The following VGLL4 variants were observed in gnomAD, a reference collection of about 807,000 sequenced individuals.
The protein encoded by VGLL4 is transcription cofactor vestigial-like protein 4.
In VGLL4, 7 loss-of-function variants were observed where a neutral mutation model predicts 21.0. That is an observed-to-expected ratio of 0.33 (90% CI 0.19 to 0.63). VGLL4 has a LOEUF of 0.63. Among genes scored for constraint, VGLL4 ranks in the 20% least tolerant of loss-of-function variants. The pLI is 0.78. For missense variants in VGLL4, 394 were observed against 425.7 expected (o/e 0.93, Z 0.66); for synonymous variants, 222 against 173.2 (o/e 1.28, Z -2.21).
chr3:11,672,136 G>T (rs1378924013), intron 2 of VGLL4, among the ~76,000 whole-genome samples: 1 of 152,158 alleles, frequency 6.6e-6, no homozygotes, highest in Non-Finnish European at 1.5e-5. Context: ...AAGAAATTTT[G>T]TACTTCCTGA....
In VGLL4 at chr3:11,557,071, G is replaced by A. The variant is rs969030947; in HGVS notation, c.*1485C>T. The A allele has an allele frequency of 6.6e-6, 1 of 152,448 alleles. No individual in the cohort carries two copies. Among genetic ancestry groups the A allele is most frequent in the African/African-American group, 2.4e-5 (1 of 41,430 alleles). 9.4% of individuals were successfully genotyped at this position (152,448 alleles called of 1,614,324 possible). A position where few individuals can be genotyped will look rare whatever the true frequency, so the allele number is the denominator to read the frequency against. ...GAGGTGACCACGCCCACGTCACCTG[G>A]TCAGGTGCCATCGTCGTGAGCCTCT... On this transcript the variant is annotated 3_prime_UTR_variant, in exon 5 of 5. Transcript: ENST00000430365.
intron 2 of VGLL4, among the ~76,000 whole-genome samples, chr3:11,599,967 TAAAG>T (rs2074751641): frequency 6.6e-6 from 1 of 152,194 alleles, no homozygotes; most frequent in African/African-American, 2.4e-5. Flanking sequence ...TGATGAAAGA[TAAAG>T]AAAGTGGGAA....
intron 2 of VGLL4, among the ~76,000 whole-genome samples, chr3:11,587,152 A>G (rs2074379967): frequency 6.6e-6 from 1 of 152,210 alleles, no homozygotes; most frequent in Non-Finnish European, 1.5e-5. Context: ...GGAGTTTGGG[A>G]GCAGATCACA....
chr3:11,585,859 A>G (rs1040201032), intron 2 of VGLL4, among the ~76,000 whole-genome samples: 1 of 152,090 alleles, frequency 6.6e-6, no homozygotes, highest in Non-Finnish European at 1.5e-5. Flanking sequence ...CACATATCCT[A>G]AATCCCTCCT....
upstream of VGLL4, among the ~76,000 whole-genome samples, chr3:11,647,676 A>C (rs1016680923): frequency 6.6e-6 from 1 of 152,060 alleles, no homozygotes; most frequent in Non-Finnish European, 1.5e-5. Context: ...CCCATACCTT[A>C]TATGTGCTTC....
chr3:11,705,949 T>C (rs2076755943), intron 1 of VGLL4, among the ~76,000 whole-genome samples: 1 of 152,036 alleles, frequency 6.6e-6, no homozygotes, highest in Admixed American at 6.6e-5. Context: ...ATCTTGTGAT[T>C]TGGGGTAGTA....
At chr3:11,676,377 A>G (rs1210720238) in intron 2 of VGLL4, among the ~76,000 whole-genome samples, 2 of 150,934 alleles carry the variant, frequency 1.3e-5, no homozygotes, top group African/African-American at 2.5e-5. Flanking sequence ...CCTGGGTGAC[A>G]GAGCGAGACT....
At chr3:11,660,190 C>A (rs1319753355) in intron 2 of VGLL4, among the ~76,000 whole-genome samples, 2 of 152,110 alleles carry the variant, frequency 1.3e-5, no homozygotes, top group African/African-American at 4.8e-5. Context: ...TCCCATCCTG[C>A]CAGCCAGCAG....
intron 1 of VGLL4, among the ~76,000 whole-genome samples, chr3:11,614,435 C>T (rs1252835330): frequency 5.9e-5 from 9 of 152,336 alleles, no homozygotes; most frequent in Non-Finnish European, 8.8e-5. Flanking sequence ...ATGGTGGTCC[C>T]GGAAACCAGT....
intron 1 of VGLL4, among the ~76,000 whole-genome samples, chr3:11,639,496 T>C (rs2447610): frequency 0.079 from 12,088 of 152,314 alleles, 644 homozygotes; most frequent in Non-Finnish European, 0.12. Flanking sequence ...TGTGCTGTAA[T>C]CCAGGGTGTT....
upstream of VGLL4, among the ~76,000 whole-genome samples, chr3:11,648,767 C>G (rs1376091561): frequency 6.6e-6 from 1 of 152,284 alleles, no homozygotes; most frequent in Non-Finnish European, 1.5e-5. Flanking sequence ...AAATGGCCAA[C>G]ACATTTTTGA....
At chr3:11,561,891 C>CA (rs751071014) in intron 3 of VGLL4, among the ~76,000 whole-genome samples, 2 of 88,608 alleles carry the variant, frequency 2.3e-5, no homozygotes, top group East Asian at 3.8e-4. Flanking sequence ...CTGCGCCAAA[C>CA]TTTTTTTTTT....
At chr3:11,592,099 G>A (rs749785192) in intron 2 of VGLL4, among the ~76,000 whole-genome samples, 1 of 152,220 alleles carries the variant, frequency 6.6e-6, no homozygotes, top group Non-Finnish European at 1.5e-5. Context: ...AGGCGTGGCA[G>A]AAAGAAAGAG....
At chr3:11,561,457 A>G (rs2072993485) in intron 3 of VGLL4, among the ~76,000 whole-genome samples, 2 of 152,118 alleles carry the variant, frequency 1.3e-5, no homozygotes, top group South Asian at 2.1e-4. Context: ...GAAGATGTTC[A>G]GTGTCTGGGC....
intron 2 of VGLL4, among the ~76,000 whole-genome samples, chr3:11,600,103 TAAC>T (rs1356670468): frequency 3.3e-5 from 5 of 152,130 alleles, no homozygotes; most frequent in Non-Finnish European, 5.9e-5. Flanking sequence ...GGAATAAAAA[TAAC>T]AACCCCCATC....
intron 3 of VGLL4, among the ~76,000 whole-genome samples, chr3:11,562,042 C>T (rs1462910770): frequency 6.6e-6 from 1 of 151,954 alleles, no homozygotes; most frequent in Admixed American, 6.6e-5. Context: ...GGATTACAGG[C>T]ACCCACCACC....
chr3:11,635,193 G>A (rs1309021209), intron 1 of VGLL4, among the ~76,000 whole-genome samples: 2 of 152,208 alleles, frequency 1.3e-5, no homozygotes, highest in African/African-American at 4.8e-5. Flanking sequence ...GTAGAGGTGA[G>A]CTGGCCTTCT....
chr3:11,558,473 T>TG lies in VGLL4; in HGVS notation c.*82dup. Reference sequence around the variant, plus strand: ...TTCCCTTCCCCCCACCCCACCCCCATGATTTTTTTTTTTTTAAGTACTGAC... The same window carrying TG: ...TTCCCTTCCCCCCACCCCACCCCCATGGATTTTTTTTTTTTTAAGTACTGAC... On this transcript the variant is annotated 3_prime_UTR_variant, in exon 5 of 5. Coordinates refer to ENST00000430365, the MANE Select transcript of VGLL4 (RefSeq NM_001128219.3). 1 of 751,604 alleles carries TG rather than the reference T, an allele frequency of 1.3e-6. No individual in the cohort carries two copies. Among genetic ancestry groups the TG allele is most frequent in the Non-Finnish European group, 1.9e-6 (1 of 523,806 alleles). 46.6% of individuals were successfully genotyped at this position (751,604 alleles called of 1,614,324 possible). A position where few individuals can be genotyped will look rare whatever the true frequency, so the allele number is the denominator to read the frequency against.
chr3:11,599,246 AC>A (rs1475951529), intron 2 of VGLL4, among the ~76,000 whole-genome samples: 1 of 152,098 alleles, frequency 6.6e-6, no homozygotes, highest in African/African-American at 2.4e-5. Flanking sequence ...TTTCCTCCTT[AC>A]ACTGTACACT....
Sources: gnomAD v4.1 joint callset for allele counts (sites outside exome capture counted in the v4.1 genomes callset) on GRCh38, gnomAD v4.1.1 for gene constraint, MANE v1.5 for transcripts, NCBI Gene and HGNC (gene_info 2026-07-23, HGNC 2026-07-21) for gene names.